The following NUAK1 variants were observed in gnomAD, a reference collection of about 807,000 sequenced individuals.
The protein encoded by NUAK1 is NUAK family SNF1-like kinase 1.
In NUAK1, 26 loss-of-function variants were observed where a neutral mutation model predicts 56.9. The observed-to-expected ratio is 0.46, with a 90% CI of 0.33 to 0.63. The LOEUF is 0.63. Among genes scored for constraint, NUAK1 ranks in the 30% least tolerant of loss-of-function variants. The pLI is 0.02. For synonymous variants in NUAK1, 337 were observed against 336.0 expected (o/e 1.00, Z -0.03); for missense variants, 727 against 876.1 (o/e 0.83, Z 2.15).
At chr12:106,076,391 A>C (rs10861554) in intron 4 of NUAK1, among the ~76,000 whole-genome samples, 76,437 of 151,998 alleles carry the variant, frequency 0.5, 19,901 homozygotes, top group East Asian at 0.95. Context: ...GACTGGGCTG[A>C]AGAATTTTGC....
At chr12:106,068,954 A>G (rs1001889352) in intron 6 of NUAK1, among the ~76,000 whole-genome samples, 6 of 152,232 alleles carry the variant, frequency 3.9e-5, no homozygotes, top group Non-Finnish European at 8.8e-5. Flanking sequence ...TTGAACGCCT[A>G]CAATGTGCCA....
At chr12:106,105,142 C>T (rs558446032) in intron 2 of NUAK1, among the ~76,000 whole-genome samples, 9 of 151,776 alleles carry the variant, frequency 5.9e-5, no homozygotes, top group South Asian at 4.2e-4. Context: ...TTAGTAGAGA[C>T]GGGTTTCACC....
chr12:106,132,827 C>A (rs554838598), intron 1 of NUAK1, among the ~76,000 whole-genome samples: 6 of 152,160 alleles, frequency 3.9e-5, no homozygotes, highest in African/African-American at 1.2e-4. Flanking sequence ...ACCAAACTGA[C>A]GGGCTCAACA....
chr12:106,107,189 CCT>C (rs1410430523), intron 1 of NUAK1, among the ~76,000 whole-genome samples: 19 of 152,160 alleles, frequency 1.2e-4, no homozygotes, highest in Non-Finnish European at 2.8e-4. Flanking sequence ...CTGCCCGGCC[CCT>C]GTCAATTCCC....
chr12:106,100,243 G>A (rs1264211653), intron 2 of NUAK1, among the ~76,000 whole-genome samples: 1 of 151,604 alleles, frequency 6.6e-6, no homozygotes, highest in Non-Finnish European at 1.5e-5. Context: ...ATTCCTGAAA[G>A]AGAATCCACA....
At position 106,065,589 on chromosome 12, in the gene NUAK1, C is replaced by T. The variant is rs370488412; in HGVS notation, c.*1213G>A. 1.2e-4 allele frequency: 18 copies of T among 152,394 alleles called. No homozygotes were observed. In the South Asian group the frequency reaches 1.9e-3, roughly 16 times the overall value. The allele number at this position is 152,394 out of a possible 1,614,324, so 9.4% of individuals were successfully genotyped here. A position where few individuals can be genotyped will look rare whatever the true frequency, so the allele number is the denominator to read the frequency against. On this transcript the variant is annotated 3_prime_UTR_variant, in exon 7 of 7. Coordinates refer to ENST00000261402, the MANE Select transcript of NUAK1 (RefSeq NM_014840.3). ...GATTTTCCTTTCCTCATCCCAATAT[C>T]CCATCTACATGCTAACTCCCTAGAA...
chr12:106,067,508 G>A lies in NUAK1; in HGVS notation c.1280C>T (p.Ser427Phe), dbSNP rs1456237104. 6.2e-7 allele frequency: 1 copy of A among 1,614,226 alleles called. No homozygotes were observed. Among genetic ancestry groups the A allele is most frequent in the Admixed American group, 1.7e-5 (1 of 60,030 alleles). The change falls in exon 7 of 7, where the codon TCT (serine) becomes TTT (phenylalanine). Residue 427 changes from serine (S) to phenylalanine (F), a missense_variant. By Grantham distance (155) the Ser-to-Phe change is radical. Coordinates refer to ENST00000261402, the MANE Select transcript of NUAK1 (RefSeq NM_014840.3). This position sits in a 1 kb window ranked among gnomAD's most constrained non-coding sequence, Gnocchi z 6.0. The part of the protein sequence containing the change: ...IEGVVGPALP[S>F]TFKMEQDLCR... The stretch of plus-strand genomic sequence containing the variant: ...CAAGTCCTGCTCCATCTTGAAAGTA[G>A]AGGGTAAGGCAGGACCAACTACACC...
chr12:106,102,611 C>T (rs184055330), intron 2 of NUAK1, among the ~76,000 whole-genome samples: 59 of 152,306 alleles, frequency 3.9e-4, no homozygotes, highest in East Asian at 2.3e-3. Flanking sequence ...ATGGACCCCA[C>T]GTTATGAACT....
intron 2 of NUAK1, among the ~76,000 whole-genome samples, chr12:106,098,623 G>A (rs573115785): frequency 3.3e-5 from 5 of 152,272 alleles, no homozygotes; most frequent in African/African-American, 1.2e-4. Flanking sequence ...GAGATTTCCA[G>A]AAACCAAAAC....
chr12:106,104,469 C>T (rs1214284352), intron 2 of NUAK1, among the ~76,000 whole-genome samples: 1 of 152,152 alleles, frequency 6.6e-6, no homozygotes, highest in East Asian at 1.9e-4. Context: ...GTGCTTAACA[C>T]GAAGTAGACA....
In NUAK1 at chr12:106,138,580, T is replaced by C. The variant is rs1478048947; in HGVS notation, c.74A>G (p.Glu25Gly). The C allele has an allele frequency of 5.0e-6, 8 of 1,598,450 alleles. No individual in the cohort carries two copies. The highest frequency in any genetic ancestry group is 5.9e-6 in the Non-Finnish European group (7 of 1,177,638). ...LGLGAPGSPR[E>G]AVAGATAALE... Reference sequence around the variant, plus strand: ...GGCTGCAGTCGCCCCCGCCACCGCCTCTCGGGGAGAGCCCGGCGCCCCCAG... The same window carrying C: ...GGCTGCAGTCGCCCCCGCCACCGCCCCTCGGGGAGAGCCCGGCGCCCCCAG... Residue 25 changes from glutamate (E) to glycine (G), a missense_variant, in exon 1 of 7, where the codon GAG (glutamate) becomes GGG (glycine). Physicochemically the swap from Glu to Gly is moderately conservative, Grantham distance 98. Transcript: ENST00000261402. This position sits in a 1 kb window ranked among gnomAD's most constrained non-coding sequence, Gnocchi z 5.0.
chr12:106,093,498 C>T (rs2032657509), intron 2 of NUAK1, among the ~76,000 whole-genome samples: 1 of 152,206 alleles, frequency 6.6e-6, no homozygotes, highest in Non-Finnish European at 1.5e-5. Context: ...ACCCAGCTCC[C>T]AGAGACTGCC....
chr12:106,134,750 C>T (rs999951415), intron 1 of NUAK1, among the ~76,000 whole-genome samples: 1 of 152,198 alleles, frequency 6.6e-6, no homozygotes, highest in African/African-American at 2.4e-5. Context: ...CAGAGGCTCA[C>T]CCAGTAGGCC....
intron 6 of NUAK1, among the ~76,000 whole-genome samples, chr12:106,069,728 G>A (rs1453753887): frequency 1.3e-5 from 2 of 152,134 alleles, no homozygotes; most frequent in African/African-American, 4.8e-5. Flanking sequence ...AGTGTTTGTA[G>A]CAACTTTGTA....
At chr12:106,120,874 G>GTCA (rs1236708996) in intron 1 of NUAK1, among the ~76,000 whole-genome samples, 30 of 152,176 alleles carry the variant, frequency 2.0e-4, no homozygotes, top group African/African-American at 6.8e-4. Context: ...ACCAGGCATG[G>GTCA]ATGGGGCCAC....
chr12:106,138,867 C>A lies in NUAK1; in HGVS notation c.-214G>T. On this transcript the variant is annotated 5_prime_UTR_variant, in exon 1 of 7. Transcript: ENST00000261402. This position sits in a 1 kb window ranked among gnomAD's most constrained non-coding sequence, Gnocchi z 5.0. ...GGCGCGCACGGTCCGCGCACCGCCC[C>A]CCGGCCGCGGCGAGCTGTGGAGCGT... The A allele has an allele frequency of 1.9e-6, 1 of 539,260 alleles. No individual in the cohort carries two copies. The highest frequency in any genetic ancestry group is 2.8e-6 in the Non-Finnish European group (1 of 353,076). The allele number at this position is 539,260 out of a possible 1,614,324, so 33.4% of individuals were successfully genotyped here.
chr12:106,106,347 C>A, intron 2 of NUAK1, 58 bp downstream of exon 2: 1 of 1,491,272 alleles, frequency 6.7e-7, no homozygotes, highest in Non-Finnish European at 9.1e-7. Flanking sequence ...CTTGGCAGGC[C>A]CCATGGTATG....
Position 106,067,076 on chromosome 12 carries a change from A to G in NUAK1, c.1712T>C (p.Val571Ala), listed in dbSNP as rs770193954. The change falls in exon 7 of 7, where the codon GTC becomes GCC. Residue 571 changes from valine (V) to alanine (A), a missense_variant. Physicochemically the swap from Val to Ala is moderately conservative, Grantham distance 64 (BLOSUM62 0). Coordinates refer to ENST00000261402, the MANE Select transcript of NUAK1 (RefSeq NM_014840.3). The surrounding 1 kb of genome is among the most constrained non-coding windows in gnomAD (Gnocchi z 6.0). The part of the protein sequence containing the change: ...LSRSYSRPSS[V>A]ISDDSVLSSD... ...GGACAGCACGCTGTCATCGCTGATG[A>G]CACTGGAAGGGCGGCTGTAGCTCCG... 5.6e-6 allele frequency: 9 copies of G among 1,614,072 alleles called. No homozygotes were observed. Among genetic ancestry groups the G allele is most frequent in the Non-Finnish European group, 7.6e-6 (9 of 1,180,032 alleles).
At chr12:106,070,660 GA>G in intron 6 of NUAK1, 113 bp downstream of exon 6, 1 of 1,362,968 alleles carries the variant, frequency 7.3e-7, no homozygotes, top group Non-Finnish European at 1.0e-6. Context: ...GAAGAAGAAA[GA>G]GGAAAACCAG....
Sources: allele counts gnomAD v4.1 joint callset (sites outside exome capture counted in the v4.1 genomes callset), GRCh38; gene constraint gnomAD v4.1.1; non-coding constraint Gnocchi (gnomAD v3.1); transcripts MANE v1.5; gene names NCBI Gene and HGNC (gene_info 2026-07-23, HGNC 2026-07-21).